The following ASXL1 variants were observed in gnomAD, a reference collection of about 807,000 sequenced individuals.
ASXL1 encodes polycomb group protein ASXL1.
Under a neutral mutation model 89.1 loss-of-function variants are expected in ASXL1, and 65 were observed. The ratio of observed to expected loss-of-function variants is 0.73; its 90% CI spans 0.60 to 0.90. The LOEUF is 0.90. ASXL1 is among the 40% of genes least tolerant of loss of function. The pLI is 0.00. For missense variants in ASXL1, 1,786 were observed against 1,942.9 expected (o/e 0.92, Z 1.52); for synonymous variants, 739 against 746.9 (o/e 0.99, Z 0.17).
chr20:32,436,833 T>TG lies in ASXL1; in HGVS notation c.4127dup (p.Pro1377SerfsTer3), dbSNP rs1555912897. On this transcript the variant is annotated frameshift_variant, in exon 13 of 13. Coordinates refer to ENST00000375687, the MANE Select transcript of ASXL1 (RefSeq NM_015338.6). LOFTEE classifies it high-confidence loss of function. ...AGCGTCAAGAATGAGAAGACTTTTG[T>TG]GGGGGGTCCTCTTAAGGCAAATGCC... 6.2e-7 allele frequency: 1 copy of TG among 1,614,170 alleles called. No homozygotes were observed. The highest frequency in any genetic ancestry group is 1.7e-5 in the Admixed American group (1 of 60,018).
rs750330626 is a variant in ASXL1 at position 32,435,325 on chromosome 20, A to G, written c.2613A>G (p.Ser871=). 24 of 1,614,196 alleles carry G rather than the reference A, an allele frequency of 1.5e-5. No homozygotes were observed. Among genetic ancestry groups the G allele is most frequent in the East Asian group, 2.2e-5 (1 of 44,886 alleles). ...AFDDELGLGG[S]CPPMRESDTR... is the part of the protein sequence containing the mutation. Reference sequence around the variant, plus strand: ...ATGACGAATTAGGGCTTGGTGGCTCATGCCCTCCTATGAGGGAAAGTGATA... The same window carrying G: ...ATGACGAATTAGGGCTTGGTGGCTCGTGCCCTCCTATGAGGGAAAGTGATA... Residue 871 remains serine, a synonymous_variant, in exon 13 of 13, where the codon TCA becomes TCG. Coordinates refer to ENST00000375687, the MANE Select transcript of ASXL1 (RefSeq NM_015338.6).
At chr20:32,377,004 G>A (rs921542184) in intron 4 of ASXL1, among the ~76,000 whole-genome samples, 2 of 138,550 alleles carry the variant, frequency 1.4e-5, no homozygotes, top group Non-Finnish European at 3.1e-5. Flanking sequence ...GGGAGGCTAA[G>A]GTGGGTGGAT....
chr20:32,402,306 C>T (rs895595973), intron 4 of ASXL1, among the ~76,000 whole-genome samples: 1 of 151,956 alleles, frequency 6.6e-6, no homozygotes, highest in Non-Finnish European at 1.5e-5. Flanking sequence ...CCTCCTGCCT[C>T]AGCCTCCCAA....
intron 4 of ASXL1, among the ~76,000 whole-genome samples, chr20:32,389,915 A>G: frequency 6.6e-6 from 1 of 152,164 alleles, no homozygotes; most frequent in Non-Finnish European, 1.5e-5. Context: ...TGAGAGTTTG[A>G]TTTCTTTAGT....
chr20:32,399,910 C>T (rs947588140), intron 4 of ASXL1, among the ~76,000 whole-genome samples: 2 of 151,482 alleles, frequency 1.3e-5, no homozygotes, highest in African/African-American at 2.4e-5. Flanking sequence ...TACAGGCACC[C>T]GCCACTACGC....
intron 4 of ASXL1, 59 bp downstream of exon 4, chr20:32,369,182 A>T: frequency 6.1e-6 from 9 of 1,477,668 alleles, no homozygotes; most frequent in Non-Finnish European, 8.5e-6. Context: ...TGTGCATAAA[A>T]ATCACCTGGT....
chr20:32,395,534 A>G (rs1459070306), intron 4 of ASXL1, among the ~76,000 whole-genome samples: 2 of 152,136 alleles, frequency 1.3e-5, no homozygotes, highest in African/African-American at 4.8e-5. Flanking sequence ...CTTGAGCTTC[A>G]TGGATGAAAT....
chr20:32,422,169 G>A (rs1048275272), intron 4 of ASXL1, among the ~76,000 whole-genome samples: 13 of 149,420 alleles, frequency 8.7e-5, no homozygotes, highest in African/African-American at 2.7e-4. Flanking sequence ...GTGAGCCACC[G>A]CGCCCGGCCG....
chr20:32,378,415 G>A (rs1434232701), intron 4 of ASXL1, among the ~76,000 whole-genome samples: 1 of 152,110 alleles, frequency 6.6e-6, no homozygotes, highest in Admixed American at 6.6e-5. Context: ...TTCAGATTGT[G>A]GAGCTCCTTG....
Position 32,428,374 on chromosome 20 carries a change from G to T in ASXL1, c.423G>T (p.Gln141His). 1 of 1,614,098 alleles carries T rather than the reference G, an allele frequency of 6.2e-7. No homozygotes were observed. The highest frequency in any genetic ancestry group is 8.5e-7 in the Non-Finnish European group (1 of 1,180,004). Residue 141 changes from glutamine to histidine, a missense_variant, in exon 6 of 13, where the codon CAG (glutamine) becomes CAT (histidine). Gln to His is a conservative substitution (Grantham distance 24, BLOSUM62 0). Coordinates refer to ENST00000375687, the MANE Select transcript of ASXL1 (RefSeq NM_015338.6). The stretch of plus-strand genomic sequence containing the variant: ...ACGCATCCTGTTCTACAGAATCTCA[G>T]AGTCGACCTCTTTCCAATCCCAGGG... Reference protein sequence around the residue: ...SSNASCSTESQSRPLSNPRDS... With the variant: ...SSNASCSTESHSRPLSNPRDS...
In ASXL1 at chr20:32,434,775, C is replaced by T. The variant is rs375094000; in HGVS notation, c.2063C>T (p.Thr688Met). Residue 688 changes from threonine to methionine, a missense_variant, in exon 13 of 13, where the codon ACG (threonine) becomes ATG (methionine). Thr to Met is a moderately conservative substitution (Grantham distance 81). Coordinates refer to ENST00000375687, the MANE Select transcript of ASXL1 (RefSeq NM_015338.6). ...GGCCCGAGCACCCCTGGAAAGTGTACGTCAGATCTACAGCGAACACAACTA... is the reference window on the plus strand; with the variant it reads ...GGCCCGAGCACCCCTGGAAAGTGTATGTCAGATCTACAGCGAACACAACTA... ...RGGPSTPGKCTSDLQRTQLLP... is the reference protein window; with the variant it reads ...RGGPSTPGKCMSDLQRTQLLP... The T allele has an allele frequency of 3.3e-5, 53 of 1,613,816 alleles. No individual in the cohort carries two copies. Among genetic ancestry groups the T allele is most frequent in the Non-Finnish European group, 4.4e-5 (52 of 1,180,004 alleles).
At chr20:32,376,707 T>C (rs1160119080) in intron 4 of ASXL1, among the ~76,000 whole-genome samples, 2 of 151,338 alleles carry the variant, frequency 1.3e-5, no homozygotes, top group African/African-American at 4.8e-5. Flanking sequence ...CAGAATGGCT[T>C]GTTAAGTTTT....
intron 4 of ASXL1, among the ~76,000 whole-genome samples, chr20:32,398,765 A>G (rs1452365265): frequency 4.0e-5 from 6 of 150,342 alleles, no homozygotes; most frequent in African/African-American, 1.5e-4. Context: ...GCCCGCCACT[A>G]CGCCCGGCTC....
At position 32,436,096 on chromosome 20, in the gene ASXL1, C is replaced by T. The variant is rs149359320; in HGVS notation, c.3384C>T (p.Asp1128=). ...AGGTTCTTCCACCAGCCCACGATGA[C>T]AGCATGTCAGAATCCCCACAAGTAC... ...LEKVLPPAHD[D]SMSESPQVPL... is the part of the protein sequence containing the mutation. Residue 1128 remains aspartate, a synonymous_variant, in exon 13 of 13, where the codon GAC becomes GAT. Transcript: ENST00000375687. The T allele has an allele frequency of 2.9e-4, 463 of 1,614,170 alleles. 4 individuals are homozygous for T. The African/African-American group carries it at 4.9e-3, about 17-fold the overall frequency.
intron 4 of ASXL1, among the ~76,000 whole-genome samples, chr20:32,400,086 G>T (rs6141704): frequency 9.9e-6 from 1 of 100,784 alleles, no homozygotes. Context: ...TTTATCGTTA[G>T]AATTTTGATT....
At position 32,435,541 on chromosome 20, in the gene ASXL1, T is replaced by C; in HGVS notation, c.2829T>C (p.Asp943=). Reference sequence around the variant, plus strand: ...CCACCCCTCCTGCATTGCCTGGGGATTTGACAGCTGAGGAGGGTCTAGATC... The same window carrying C: ...CCACCCCTCCTGCATTGCCTGGGGACTTGACAGCTGAGGAGGGTCTAGATC... The part of the protein sequence containing the change: ...AAPTPPALPG[D]LTAEEGLDPL... The change falls in exon 13 of 13, where the codon GAT becomes GAC. Residue 943 remains aspartate (D), a synonymous_variant. Transcript: ENST00000375687. 1 of 1,614,022 alleles carries C rather than the reference T, an allele frequency of 6.2e-7. No individual in the cohort carries two copies. Among genetic ancestry groups the C allele is most frequent in the Non-Finnish European group, 8.5e-7 (1 of 1,180,016 alleles).
intron 4 of ASXL1, among the ~76,000 whole-genome samples, chr20:32,423,883 A>T (rs1315006979): frequency 6.6e-6 from 1 of 152,214 alleles, no homozygotes; most frequent in African/African-American, 2.4e-5. Flanking sequence ...TGGGCAACAG[A>T]CCAAGACCCT....
intron 6 of ASXL1, chr20:32,428,938 G>A: frequency 3.0e-6 from 1 of 334,836 alleles, no homozygotes; most frequent in Non-Finnish European, 5.8e-6. Flanking sequence ...TGGGATTACA[G>A]GTGTGAGTCA....
chr20:32,436,949 T>G lies in ASXL1; in HGVS notation c.4237T>G (p.Leu1413Val). The change falls in exon 13 of 13, where the codon TTA becomes GTA. Residue 1413 changes from leucine to valine, a missense_variant. By Grantham distance (32) the Leu-to-Val change is conservative (BLOSUM62 1). Transcript: ENST00000375687. Reference protein sequence around the residue: ...PFVMDLPFWKLPREPGKGLSE... With the variant: ...PFVMDLPFWKVPREPGKGLSE... Reference sequence around the variant, plus strand: ...TGTCATGGACTTGCCCTTCTGGAAATTACCCCGAGAGCCAGGGAAGGGGCT... The same window carrying G: ...TGTCATGGACTTGCCCTTCTGGAAAGTACCCCGAGAGCCAGGGAAGGGGCT... 1 of 1,614,128 alleles carries G rather than the reference T, an allele frequency of 6.2e-7. No individual in the cohort carries two copies. Among genetic ancestry groups the G allele is most frequent in the Non-Finnish European group, 8.5e-7 (1 of 1,180,024 alleles).
Sources: gnomAD v4.1 joint callset for allele counts (sites outside exome capture counted in the v4.1 genomes callset) on GRCh38, gnomAD v4.1.1 for gene constraint, MANE v1.5 for transcripts, NCBI Gene and HGNC (gene_info 2026-07-23, HGNC 2026-07-21) for gene names.